The following TOM1L1 variants were observed in gnomAD, a reference collection of about 807,000 sequenced individuals.
TOM1L1 encodes the protein TOM1-like protein 1.
A neutral mutation model predicts 63.4 loss-of-function variants in TOM1L1; 64 were observed. The ratio of observed to expected loss-of-function variants is 1.01; its 90% CI spans 0.83 to 1.24. TOM1L1 has a LOEUF of 1.24. Ranked by LOEUF, TOM1L1 falls within the 50% of genes most tolerant of loss-of-function variation. TOM1L1 has a pLI of 0.00. For missense variants in TOM1L1, 536 were observed against 567.0 expected, an observed-to-expected ratio of 0.95 and a Z score of 0.55; for synonymous variants, 166 against 194.4, an observed-to-expected ratio of 0.85 and a Z score of 1.22.
At chr17:54,931,949 G>GTTTTTTTTTTTTTTTTTTTTTTTTTTT (rs10632110) in intron 8 of TOM1L1, among the ~76,000 whole-genome samples, 1 of 121,482 alleles carries the variant, frequency 8.2e-6, no homozygotes, top group African/African-American at 3.2e-5. Context: ...TTTTTTCTTC[G>GTTTTTTTTTTTTTTTTTTTTTTTTTTT]TTTTTTTTTT....
intron 10 of TOM1L1, chr17:54,938,049 G>T (rs943381533): frequency 1.3e-5 from 2 of 152,134 alleles, no homozygotes; most frequent in African/African-American, 4.8e-5. Context: ...GGTTTTCTTA[G>T]AACTCTACTC....
intron 3 of TOM1L1, among the ~76,000 whole-genome samples, chr17:54,911,554 G>T (rs1423894613): frequency 1.3e-5 from 2 of 152,126 alleles, no homozygotes; most frequent in African/African-American, 2.4e-5. Context: ...CGTCACAGGG[G>T]TCCTCATGCA....
chr17:54,933,586 G>A (rs1465053488), intron 8 of TOM1L1, among the ~76,000 whole-genome samples: 1 of 152,140 alleles, frequency 6.6e-6, no homozygotes, highest in Non-Finnish European at 1.5e-5. Flanking sequence ...GCAGTGGTGC[G>A]ATCTTGGCTC....
At chr17:54,935,925 C>T (rs1325265628) in intron 8 of TOM1L1, among the ~76,000 whole-genome samples, 1 of 152,018 alleles carries the variant, frequency 6.6e-6, no homozygotes, top group Non-Finnish European at 1.5e-5. Flanking sequence ...GAGTTCGAAA[C>T]CAGCCTGACC....
At chr17:54,900,995 C>A (rs2048316546) in intron 1 of TOM1L1, 72 bp downstream of exon 1, 1 of 1,601,990 alleles carries the variant, frequency 6.2e-7, no homozygotes, top group Non-Finnish European at 8.5e-7. Context: ...GATCCATTCT[C>A]GGCCTGCAGA....
chr17:54,916,164 C>T (rs2048585766), intron 7 of TOM1L1: 11 of 408,460 alleles, frequency 2.7e-5, no homozygotes, highest in Non-Finnish European at 4.3e-5. Flanking sequence ...TTTTCATCCA[C>T]TCAACAAACA....
chr17:54,917,794 T>C (rs138669798), intron 7 of TOM1L1, among the ~76,000 whole-genome samples: 12 of 152,328 alleles, frequency 7.9e-5, no homozygotes, highest in African/African-American at 2.6e-4. Context: ...CTGTGCTTGA[T>C]AATATTTTCA....
At chr17:54,915,714 G>T (rs376674312) in intron 6 of TOM1L1, 32 bp from the exon 7 acceptor site, 2 of 1,461,738 alleles carry the variant, frequency 1.4e-6, no homozygotes, top group Non-Finnish European at 1.9e-6. Flanking sequence ...TTTGTGTGTC[G>T]CACTGACTGG....
intron 15 of TOM1L1, 187 bp from the exon 16 acceptor site, chr17:54,961,048 G>A: frequency 1.7e-6 from 1 of 598,448 alleles, no homozygotes; most frequent in Non-Finnish European, 2.9e-6. Flanking sequence ...ACTATTTAAT[G>A]GTCACCAATG....
intron 3 of TOM1L1, chr17:54,906,891 G>A (rs1469351001): frequency 2.1e-5 from 18 of 841,262 alleles, no homozygotes; most frequent in Non-Finnish European, 2.6e-5. Flanking sequence ...GTTTATCTCA[G>A]CCCAGCCCAA....
rs546863050 is a variant in TOM1L1 at position 54,920,763 on chromosome 17, T to C, written c.720+4901T>C. The stretch of plus-strand genomic sequence containing the variant: ...CTGTCAAGGCCAGAAAAAAGGACTC[T>C]CCTCCAAATAACTGCTGGTTTCCAA... On this transcript the variant is annotated intron_variant, in intron 7 of 15. Coordinates refer to ENST00000575882, the MANE Select transcript of TOM1L1 (RefSeq NM_005486.3). Among the ~76,000 whole-genome samples, 25 of 152,302 alleles carry C rather than the reference T, an allele frequency of 1.6e-4. No homozygotes were observed. In the South Asian group the frequency reaches 4.8e-3, roughly 29 times the overall value.
chr17:54,915,917 A>G, intron 7 of TOM1L1, 55 bp downstream of exon 7: 3 of 1,397,622 alleles, frequency 2.1e-6, no homozygotes, highest in Non-Finnish European at 3.0e-6. Context: ...GTTATTCTCT[A>G]AACTTTGAGT....
intron 14 of TOM1L1, among the ~76,000 whole-genome samples, chr17:54,955,568 CACAG>C (rs2049457840): frequency 6.6e-6 from 1 of 152,118 alleles, no homozygotes; most frequent in Admixed American, 6.5e-5. Context: ...TCATTCAGGC[CACAG>C]ACAAGTAAGA....
chr17:54,955,451 G>C (rs1209628577), intron 14 of TOM1L1, among the ~76,000 whole-genome samples: 7 of 152,022 alleles, frequency 4.6e-5, no homozygotes, highest in Non-Finnish European at 1.0e-4. Flanking sequence ...TTGAAACTTG[G>C]GTCTCCTCAT....
chr17:54,906,417 C>T lies in TOM1L1; in HGVS notation c.222+850C>T, dbSNP rs1003326865. Among the ~76,000 whole-genome samples the T allele has an allele frequency of 2.7e-5, 4 of 147,874 alleles. No homozygotes were observed. The East Asian group carries it at 6.0e-4, about 22-fold the overall frequency. On this transcript the variant is annotated intron_variant, in intron 3 of 15. Coordinates refer to ENST00000575882, the MANE Select transcript of TOM1L1 (RefSeq NM_005486.3). ...CTGGGAGGTGGAGATTGCGGTGAGT[C>T]GAGATCGCACCACTGTCCTCCAGTC...
At chr17:54,918,645 T>G (rs2048631069) in intron 7 of TOM1L1, among the ~76,000 whole-genome samples, 1 of 152,172 alleles carries the variant, frequency 6.6e-6, no homozygotes, top group Admixed American at 6.5e-5. Context: ...GGTGGTGTTG[T>G]GATGACAGAT....
chr17:54,958,470 CCTAT>C (rs2077009604), intron 14 of TOM1L1: 1 of 152,252 alleles, frequency 6.6e-6, no homozygotes, highest in East Asian at 1.9e-4. Context: ...GTGGCTCACG[CCTAT>C]AATCCCAGCA....
intron 2 of TOM1L1, among the ~76,000 whole-genome samples, chr17:54,904,739 T>C (rs1010831457): frequency 6.6e-6 from 1 of 152,250 alleles, no homozygotes; most frequent in African/African-American, 2.4e-5. Flanking sequence ...CAAGTTATTC[T>C]AAGGAACACA....
intron 14 of TOM1L1, chr17:54,952,212 G>A (rs1176359790): frequency 1.3e-5 from 2 of 152,102 alleles, no homozygotes; most frequent in Non-Finnish European, 2.9e-5. Context: ...AAGAAACCAA[G>A]TAACACTTGG....
Sources: gnomAD v4.1 joint callset for allele counts (sites outside exome capture counted in the v4.1 genomes callset) on GRCh38, gnomAD v4.1.1 for gene constraint, MANE v1.5 for transcripts, NCBI Gene and HGNC (gene_info 2026-07-23, HGNC 2026-07-21) for gene names.